Variants in HS3ST1 observed in about 807,000 individuals in gnomAD.
The protein encoded by HS3ST1 is heparan sulfate-glucosamine 3-sulfotransferase 1.
HS3ST1 carries 8 observed loss-of-function variants against 20.7 expected under a neutral mutation model. The ratio of observed to expected loss-of-function variants is 0.39; its 90% CI spans 0.23 to 0.70. HS3ST1 has a LOEUF of 0.70. Ranked by LOEUF, HS3ST1 falls within the 30% of genes least tolerant of loss-of-function variation. The probability of loss-of-function intolerance (pLI) is 0.46; values close to 1 mark genes in which losing one functional copy is unlikely to be tolerated. For missense variants in HS3ST1, 436 were observed against 423.4 expected (o/e 1.03, Z -0.26); for synonymous variants, 205 against 190.4 (o/e 1.08, Z -0.63).
At chr4:11,406,560 T>A (rs1718470163) in intron 1 of HS3ST1, among the ~76,000 whole-genome samples, 1 of 152,328 alleles carries the variant, frequency 6.6e-6, no homozygotes, top group African/African-American at 2.4e-5. Context: ...TAAGGTTAAA[T>A]GACCTCCTCA....
chr4:11,425,107 C>T (rs1275745861), intron 1 of HS3ST1, among the ~76,000 whole-genome samples: 1 of 152,218 alleles, frequency 6.6e-6, no homozygotes, highest in African/African-American at 2.4e-5. Context: ...GCCATCTGCT[C>T]TCCAAGGTTG....
chr4:11,404,570 C>T (rs1302151863), intron 1 of HS3ST1, among the ~76,000 whole-genome samples: 1 of 152,220 alleles, frequency 6.6e-6, no homozygotes, highest in African/African-American at 2.4e-5. Context: ...GCAAGATTCT[C>T]TACGCACTCA....
intron 1 of HS3ST1, among the ~76,000 whole-genome samples, chr4:11,420,186 C>G (rs549703805): frequency 5.7e-4 from 87 of 152,212 alleles, no homozygotes; most frequent in Non-Finnish European, 1.1e-3. Flanking sequence ...TTGGCATGAG[C>G]AGTACCTCAC....
intron 1 of HS3ST1, among the ~76,000 whole-genome samples, chr4:11,407,763 A>G (rs1280312035): frequency 6.6e-6 from 1 of 152,240 alleles, no homozygotes; most frequent in Non-Finnish European, 1.5e-5. Flanking sequence ...ATATGCACGC[A>G]AGTCACTTGG....
chr4:11,428,585 C>CAG (rs1719129914), intron 1 of HS3ST1, 114 bp downstream of exon 1: 1 of 152,726 alleles, frequency 6.5e-6, no homozygotes, highest in Non-Finnish European at 1.5e-5. Flanking sequence ...GCTCCAGCCT[C>CAG]GATTCTTCTT....
At chr4:11,421,142 G>T (rs150538136) in intron 1 of HS3ST1, among the ~76,000 whole-genome samples, 15 of 152,274 alleles carry the variant, frequency 9.9e-5, no homozygotes, top group African/African-American at 3.1e-4. Flanking sequence ...TGAGCATTGT[G>T]CTAGGCACTA....
intron 1 of HS3ST1, among the ~76,000 whole-genome samples, chr4:11,410,844 A>T (rs1489005557): frequency 1.3e-5 from 2 of 152,158 alleles, no homozygotes; most frequent in Non-Finnish European, 2.9e-5. Context: ...GTGAGCCAAG[A>T]TCACACCATG....
chr4:11,421,241 A>G (rs933353217), intron 1 of HS3ST1, among the ~76,000 whole-genome samples: 5 of 152,232 alleles, frequency 3.3e-5, no homozygotes. Flanking sequence ...TGACACAACT[A>G]GTGAGAACCA....
intron 1 of HS3ST1, among the ~76,000 whole-genome samples, chr4:11,412,070 C>T (rs774440647): frequency 1.2e-4 from 19 of 152,300 alleles, no homozygotes; most frequent in Non-Finnish European, 2.5e-4. Context: ...TTTTTGTAAC[C>T]GTCAGACTTC....
chr4:11,405,581 A>G (rs1718443728), intron 1 of HS3ST1, among the ~76,000 whole-genome samples: 2 of 152,186 alleles, frequency 1.3e-5, no homozygotes, highest in South Asian at 4.1e-4. Context: ...TGTCAAATGC[A>G]GTAGACAGGC....
intron 1 of HS3ST1, among the ~76,000 whole-genome samples, chr4:11,415,360 T>C (rs1222638149): frequency 1.3e-5 from 2 of 152,204 alleles, no homozygotes; most frequent in African/African-American, 2.4e-5. Context: ...CCAGTGCTTG[T>C]TTTCTTAGGT....
At position 11,399,896 on chromosome 4, in the gene HS3ST1, A is replaced by G; in HGVS notation, c.110T>C (p.Leu37Pro). 1 of 1,610,080 alleles carries G rather than the reference A, an allele frequency of 6.2e-7. No homozygotes were observed. The highest frequency in any genetic ancestry group is 8.5e-7 in the Non-Finnish European group (1 of 1,179,280). ...CACGCCATCGCGGACGTCATCCTGG[A>G]GGGTCCCCGCTTTCCGCAGAAGCTC... ...QQELLRKAGT[L>P]QDDVRDGVAP... The change falls in exon 2 of 2, where the codon CTC (leucine) becomes CCC (proline). Residue 37 changes from leucine (L) to proline (P), a missense_variant. Coordinates refer to ENST00000002596, the MANE Select transcript of HS3ST1 (RefSeq NM_005114.4). This position sits in a 1 kb window ranked among gnomAD's most constrained non-coding sequence, Gnocchi z 5.1.
At chr4:11,414,029 T>C (rs957415182) in intron 1 of HS3ST1, 1 of 152,082 alleles carries the variant, frequency 6.6e-6, no homozygotes, top group African/African-American at 2.4e-5. Context: ...TGAGATAGGC[T>C]TCTTTCCTTT....
upstream of HS3ST1, among the ~76,000 whole-genome samples, chr4:11,432,598 A>G (rs1267389071): frequency 6.6e-6 from 1 of 152,242 alleles, no homozygotes; most frequent in Admixed American, 6.5e-5. Context: ...CTATCCACAG[A>G]GCCAGTTGGG....
rs745313191 is a variant in HS3ST1 at position 11,399,369 on chromosome 4, G to C, written c.637C>G (p.His213Asp). Reference sequence around the variant, plus strand: ...ATGAGGCGGTCGCCGTCCACAATGTGGATGTGGCGCAGCGGGAAAAAGCGC... The same window carrying C: ...ATGAGGCGGTCGCCGTCCACAATGTCGATGTGGCGCAGCGGGAAAAAGCGC... ...WLRFFPLRHIHIVDGDRLIRD... is the reference protein window; with the variant it reads ...WLRFFPLRHIDIVDGDRLIRD... The change falls in exon 2 of 2, where the codon CAC becomes GAC. Residue 213 changes from histidine to aspartate, a missense_variant. By Grantham distance (81) the His-to-Asp change is moderately conservative. Coordinates refer to ENST00000002596, the MANE Select transcript of HS3ST1 (RefSeq NM_005114.4). The surrounding 1 kb of genome is among the most constrained non-coding windows in gnomAD (Gnocchi z 5.1). 2 of 1,614,096 alleles carry C rather than the reference G, an allele frequency of 1.2e-6. No homozygotes were observed. The highest frequency in any genetic ancestry group is 3.3e-5 in the Admixed American group (2 of 60,022).
rs199950801 is a variant in HS3ST1, at chr4:11,399,586, G to A, written c.420C>T (p.Ile140=). 1 of 1,613,906 alleles carries A rather than the reference G, an allele frequency of 6.2e-7. No homozygotes were observed. The highest frequency in any genetic ancestry group is 2.2e-5 in the East Asian group (1 of 44,872). The part of the protein sequence containing the change: ...PERVYSMNPS[I]RLLLILRDPS... ...GGTCTCGCAGGATGAGCAGCAGCCG[G>A]ATGGACGGGTTCATGCTGTAGACTC... The change falls in exon 2 of 2, where the codon ATC becomes ATT. Residue 140 remains isoleucine (I), a synonymous_variant. Transcript: ENST00000002596. The surrounding 1 kb of genome is among the most constrained non-coding windows in gnomAD (Gnocchi z 5.1).
chr4:11,401,248 A>G (rs889807402), intron 1 of HS3ST1, among the ~76,000 whole-genome samples: 1 of 152,198 alleles, frequency 6.6e-6, no homozygotes, highest in Non-Finnish European at 1.5e-5. Context: ...CTTCATTTGT[A>G]CAAAGCTTTA....
At chr4:11,431,244 A>C (rs930250933), upstream of HS3ST1, among the ~76,000 whole-genome samples, 6 of 151,928 alleles carry the variant, frequency 3.9e-5, no homozygotes, top group Non-Finnish European at 7.4e-5. Context: ...AAAAAAAAAA[A>C]AAAAAACTTT....
chr4:11,423,169 C>G (rs1223183494), intron 1 of HS3ST1, among the ~76,000 whole-genome samples: 2 of 151,616 alleles, frequency 1.3e-5, no homozygotes, highest in African/African-American at 4.9e-5. Context: ...TCATGCTGGT[C>G]TATAATTTCC....
Sources: gnomAD v4.1 joint callset for allele counts (sites outside exome capture counted in the v4.1 genomes callset) on GRCh38, gnomAD v4.1.1 for gene constraint, Gnocchi (gnomAD v3.1) non-coding constraint, MANE v1.5 for transcripts, NCBI Gene and HGNC (gene_info 2026-07-23, HGNC 2026-07-21) for gene names.